Variants in ITPKB observed in about 807,000 individuals in gnomAD.
ITPKB encodes the protein IP3 3-kinase B.
A neutral mutation model predicts 69.4 loss-of-function variants in ITPKB; 13 were observed. The observed-to-expected ratio is 0.19, with a 90% CI of 0.12 to 0.30. The LOEUF (loss-of-function observed/expected upper bound fraction) is 0.30, where lower values mean the gene tolerates loss of function less well. Among genes scored for constraint, ITPKB ranks in the 10% least tolerant of loss-of-function variants. ITPKB has a pLI of 1.00. For synonymous variants in ITPKB, 584 were observed against 513.7 expected, an observed-to-expected ratio of 1.14 and a Z score of -1.85; for missense variants, 1,240 against 1,250.5, an observed-to-expected ratio of 0.99 and a Z score of 0.13.
chr1:226,675,311 C>A (rs1571853539), intron 2 of ITPKB, among the ~76,000 whole-genome samples: 1 of 152,284 alleles, frequency 6.6e-6, no homozygotes, highest in East Asian at 1.9e-4. Flanking sequence ...TAGCAGCGTT[C>A]AAGAAGCCGG....
At chr1:226,655,336 C>A (rs552237218) in intron 2 of ITPKB, among the ~76,000 whole-genome samples, 2 of 152,244 alleles carry the variant, frequency 1.3e-5, no homozygotes, top group African/African-American at 2.4e-5. Flanking sequence ...TGCCCTGTGA[C>A]TGCTCAGCCA....
chr1:226,682,699 C>G (rs1656118207), intron 2 of ITPKB, among the ~76,000 whole-genome samples: 1 of 152,092 alleles, frequency 6.6e-6, no homozygotes, highest in Non-Finnish European at 1.5e-5. Context: ...CTGACAGTAC[C>G]CTTCAGAGGG....
intron 2 of ITPKB, among the ~76,000 whole-genome samples, chr1:226,696,908 A>C (rs1485703726): frequency 6.6e-6 from 1 of 152,082 alleles, no homozygotes; most frequent in East Asian, 1.9e-4. Flanking sequence ...CCCAGGAAAA[A>C]ACCCAGCACA....
intron 2 of ITPKB, among the ~76,000 whole-genome samples, chr1:226,705,654 T>G (rs1656782601): frequency 6.6e-6 from 1 of 152,178 alleles, no homozygotes; most frequent in African/African-American, 2.4e-5. Context: ...ACCTTCAATT[T>G]CCCACCAAGG....
chr1:226,735,464 T>G, intron 2 of ITPKB, 63 bp downstream of exon 2: 1 of 1,442,396 alleles, frequency 6.9e-7, no homozygotes, highest in Non-Finnish European at 9.2e-7. Context: ...AAGGGATGCA[T>G]AGGGCATCAA....
At chr1:226,677,137 G>A (rs1471823819) in intron 2 of ITPKB, among the ~76,000 whole-genome samples, 2 of 152,224 alleles carry the variant, frequency 1.3e-5, no homozygotes, top group African/African-American at 4.8e-5. Context: ...ATCCTTCCAA[G>A]AGGGTGTTAC....
intron 2 of ITPKB, among the ~76,000 whole-genome samples, chr1:226,649,385 T>C (rs1374027890): frequency 6.8e-6 from 1 of 146,698 alleles, no homozygotes; most frequent in East Asian, 2.0e-4. Context: ...ATTGTGTGCA[T>C]GTGTGCATGA....
Position 226,641,041 on chromosome 1 carries a change from T to A in ITPKB, c.2451+880A>T, listed in dbSNP as rs1347743636. On this transcript the variant is annotated intron_variant, in intron 5 of 7. Coordinates refer to ENST00000429204, the MANE Select transcript of ITPKB (RefSeq NM_002221.4). The surrounding 1 kb of genome is among the most constrained non-coding windows in gnomAD (Gnocchi z 4.6). The stretch of plus-strand genomic sequence containing the variant: ...GGAGACCCGACAACCCCACAGGGAC[T>A]GCCATCTGCTCAAGAGGGACAGCTT... Among the ~76,000 whole-genome samples the A allele has an allele frequency of 6.6e-6, 1 of 152,166 alleles. No individual in the cohort carries two copies. Among genetic ancestry groups the A allele is most frequent in the Non-Finnish European group, 1.5e-5 (1 of 68,026 alleles).
At chr1:226,718,111 T>C (rs1447956504) in intron 2 of ITPKB, among the ~76,000 whole-genome samples, 2 of 151,022 alleles carry the variant, frequency 1.3e-5, no homozygotes, top group African/African-American at 4.9e-5. Context: ...CTGGCCAACA[T>C]AGTGAAACCT....
At chr1:226,701,796 GCTCA>G (rs1045064236) in intron 2 of ITPKB, among the ~76,000 whole-genome samples, 3 of 152,030 alleles carry the variant, frequency 2.0e-5, no homozygotes, top group African/African-American at 7.3e-5. Context: ...CTTCAGGGGC[GCTCA>G]CTAACCCACC....
chr1:226,738,844 G>C lies in ITPKB; in HGVS notation c.-206+197C>G, dbSNP rs555627093. Among the ~76,000 whole-genome samples the C allele has an allele frequency of 3.3e-5, 5 of 152,268 alleles. No individual in the cohort carries two copies. In the East Asian group the frequency reaches 9.7e-4, roughly 29 times the overall value. On this transcript the variant is annotated intron_variant, in intron 1 of 7. Transcript: ENST00000429204. The surrounding 1 kb of genome is among the most constrained non-coding windows in gnomAD (Gnocchi z 4.2). ...CCGGAAGGCGGGTAGGAGAAATGCG[G>C]AGACCTCGTCTCTCCCTATTTTCTC...
In ITPKB at chr1:226,642,462, C is replaced by T. The variant is rs1668981486; in HGVS notation, c.2247-337G>A. Among the ~76,000 whole-genome samples the T allele has an allele frequency of 6.6e-6, 1 of 152,056 alleles. No individual in the cohort carries two copies. Among genetic ancestry groups the T allele is most frequent in the Admixed American group, 6.6e-5 (1 of 15,266 alleles). On this transcript the variant is annotated intron_variant, in intron 4 of 7. Transcript: ENST00000429204. This position sits in a 1 kb window ranked among gnomAD's most constrained non-coding sequence, Gnocchi z 6.4. ...TGGGATTACAGGTGTGCACCACCAC[C>T]CAGCCTGGGGTTGGCTCTTGATCCA...
At chr1:226,658,673 C>T (rs1439353551) in intron 2 of ITPKB, among the ~76,000 whole-genome samples, 3 of 152,190 alleles carry the variant, frequency 2.0e-5, no homozygotes, top group East Asian at 1.9e-4. Context: ...GTGATGTTCC[C>T]GCAGGCTGGA....
chr1:226,701,843 T>C (rs1207517939), intron 2 of ITPKB, among the ~76,000 whole-genome samples: 1 of 152,106 alleles, frequency 6.6e-6, no homozygotes, highest in African/African-American at 2.4e-5. Context: ...GATGACTGAA[T>C]CCTTCTGACT....
At chr1:226,723,628 G>C (rs1303411017) in intron 2 of ITPKB, among the ~76,000 whole-genome samples, 1 of 152,060 alleles carries the variant, frequency 6.6e-6, no homozygotes. Flanking sequence ...TCTCTTATGA[G>C]CTACAGTGAC....
rs760331692 is a variant in ITPKB at position 226,642,545 on chromosome 1, C to T, written c.2247-420G>A. Among the ~76,000 whole-genome samples the T allele has an allele frequency of 6.6e-6, 1 of 151,996 alleles. No homozygotes were observed. The highest frequency in any genetic ancestry group is 1.5e-5 in the Non-Finnish European group (1 of 68,004). On this transcript the variant is annotated intron_variant, in intron 4 of 7. Coordinates refer to ENST00000429204, the MANE Select transcript of ITPKB (RefSeq NM_002221.4). This position sits in a 1 kb window ranked among gnomAD's most constrained non-coding sequence, Gnocchi z 6.4. ...GCCTTCACTTTCACTCCAAGCCCATCGGCTGGCCTCACAAAGCCCAAGGAG... is the reference window on the plus strand; with the variant it reads ...GCCTTCACTTTCACTCCAAGCCCATTGGCTGGCCTCACAAAGCCCAAGGAG...
At chr1:226,721,684 G>T (rs1431421106) in intron 2 of ITPKB, among the ~76,000 whole-genome samples, 1 of 151,660 alleles carries the variant, frequency 6.6e-6, no homozygotes, top group Non-Finnish European at 1.5e-5. Context: ...TAGTAGAGAC[G>T]GGGTTTCACC....
Position 226,634,824 on chromosome 1 carries a change from G to A in ITPKB, c.2688C>T (p.Ile896=), listed in dbSNP as rs138300662. ...DKKEQAKVWM[I]DFGKTTPLPE... ...GCAGGGGCGTGGTTTTCCCAAAGTC[G>A]ATCATCCACACTTTGGCCTGTTCCT... Residue 896 remains isoleucine, a synonymous_variant, in exon 8 of 8, where the codon ATC becomes ATT. Coordinates refer to ENST00000429204, the MANE Select transcript of ITPKB (RefSeq NM_002221.4). This position sits in a 1 kb window ranked among gnomAD's most constrained non-coding sequence, Gnocchi z 6.3. 1,201 of 1,613,636 alleles carry A rather than the reference G, an allele frequency of 7.4e-4. No homozygotes were observed. The highest frequency in any genetic ancestry group is 8.3e-4 in the Middle Eastern group (5 of 6,060).
rs757416349 is a variant in ITPKB at position 226,642,039 on chromosome 1, G to A, written c.2333C>T (p.Pro778Leu). The change falls in exon 5 of 8, where the codon CCC (proline) becomes CTC (leucine). Residue 778 changes from proline to leucine, a missense_variant. By Grantham distance (98) the Pro-to-Leu change is moderately conservative. Transcript: ENST00000429204. The surrounding 1 kb of genome is among the most constrained non-coding windows in gnomAD (Gnocchi z 6.4). ...TTTTTCCTCCTCGGTGGGGGCCTCG[G>A]GGTCCACCTCGATCATCTTCTGGTA... The part of the protein sequence containing the change: ...DMYQKMIEVD[P>L]EAPTEEEKAQ... 6.2e-7 allele frequency: 1 copy of A among 1,614,106 alleles called. No homozygotes were observed.
Sources: allele counts gnomAD v4.1 joint callset (sites outside exome capture counted in the v4.1 genomes callset), GRCh38; gene constraint gnomAD v4.1.1; non-coding constraint Gnocchi (gnomAD v3.1); transcripts MANE v1.5; gene names NCBI Gene and HGNC (gene_info 2026-07-23, HGNC 2026-07-21).